Variants in ESR1 observed in about 807,000 individuals in gnomAD.
ESR1 encodes the protein estrogen receptor.
ESR1 carries 12 observed loss-of-function variants against 52.7 expected under a neutral mutation model. The observed-to-expected ratio is 0.23, with a 90% CI of 0.15 to 0.37. The LOEUF is 0.37. Ranked by LOEUF, ESR1 falls within the 10% of genes least tolerant of loss-of-function variation. ESR1 has a pLI of 1.00. For synonymous variants in ESR1, 305 were observed against 316.8 expected (o/e 0.96, Z 0.39); for missense variants, 584 against 779.7 (o/e 0.75, Z 2.99).
intron 2 of ESR1, among the ~76,000 whole-genome samples, chr6:151,789,759 T>C (rs547336231): frequency 1.3e-5 from 2 of 152,308 alleles, no homozygotes; most frequent in East Asian, 3.9e-4. Flanking sequence ...ATCTCACAAC[T>C]CCTCCCCTTT....
Position 152,113,817 on chromosome 6 carries a change from C to T in ESR1, c.851-11449C>T, listed in dbSNP as rs557513112. 4.6e-5 allele frequency among the ~76,000 whole-genome samples: 7 copies of T among 152,156 alleles called. No individual in the cohort carries two copies. In the East Asian group the frequency reaches 1.2e-3, roughly 25 times the overall value. ...AATGTATTAACGTCATAACAACCCA[C>T]GCAGGAGGCACCATTATTATCCCAT... On this transcript the variant is annotated intron_variant, in intron 6 of 6. Coordinates refer to the ESR1 transcript ENST00000427531.
At chr6:151,891,876 A>G (rs1159430468) in intron 3 of ESR1, among the ~76,000 whole-genome samples, 1 of 152,212 alleles carries the variant, frequency 6.6e-6, no homozygotes, top group Non-Finnish European at 1.5e-5. Context: ...AAATAAATTT[A>G]TATAGACGGT....
intron 2 of ESR1, among the ~76,000 whole-genome samples, chr6:151,787,191 C>T (rs894112593): frequency 3.3e-5 from 5 of 152,144 alleles, no homozygotes; most frequent in Admixed American, 6.5e-5. Context: ...TATTCTGTTC[C>T]ATCAGTCTAT....
chr6:151,709,992 A>AT (rs1279660470), intron 2 of ESR1, among the ~76,000 whole-genome samples: 2 of 151,508 alleles, frequency 1.3e-5, no homozygotes, highest in African/African-American at 2.4e-5. Context: ...TACATCTGGA[A>AT]TTTTTTTATA....
intron 6 of ESR1, among the ~76,000 whole-genome samples, chr6:152,084,592 G>C (rs978795288): frequency 7.9e-5 from 12 of 151,196 alleles, no homozygotes; most frequent in Non-Finnish European, 1.8e-4. Flanking sequence ...CACACACACA[G>C]AAGTATATCT....
chr6:151,928,949 T>G (rs2033184459), intron 3 of ESR1, among the ~76,000 whole-genome samples: 1 of 152,200 alleles, frequency 6.6e-6, no homozygotes, highest in African/African-American at 2.4e-5. Flanking sequence ...TCTTTTAAAT[T>G]TGTTAAGGGT....
intron 3 of ESR1, among the ~76,000 whole-genome samples, chr6:151,926,750 G>A (rs1229278597): frequency 6.6e-6 from 1 of 152,064 alleles, no homozygotes; most frequent in Non-Finnish European, 1.5e-5. Flanking sequence ...TGTTGTTGTT[G>A]TTGATTCATT....
chr6:151,684,849 A>G (rs1326092718), intron 1 of ESR1, among the ~76,000 whole-genome samples: 1 of 152,034 alleles, frequency 6.6e-6, no homozygotes, highest in East Asian at 1.9e-4. Flanking sequence ...AATCAAAGGC[A>G]CCCATAGGCA....
Position 151,750,035 on chromosome 6 carries a change from A to C in ESR1, c.-71+48030A>C, listed in dbSNP as rs528529613. Among the ~76,000 whole-genome samples, 3 of 152,346 alleles carry C rather than the reference A, an allele frequency of 2.0e-5. No homozygotes were observed. In the East Asian group the frequency reaches 5.8e-4, roughly 29 times the overall value. ...AAAGGAATGAGGGAGGGAGACATGA[A>C]TATAGATGGGTGTTATCAGAGAATG... On this transcript the variant is annotated intron_variant, in intron 2 of 2. Transcript: ENST00000404742.
intron 2 of ESR1, among the ~76,000 whole-genome samples, chr6:151,723,249 G>A (rs1781586906): frequency 6.6e-6 from 1 of 150,826 alleles, no homozygotes; most frequent in African/African-American, 2.4e-5. Context: ...AGGGAGGTGA[G>A]GGATGAGAAA....
At chr6:151,978,391 G>A (rs2039665679) in intron 4 of ESR1, among the ~76,000 whole-genome samples, 4 of 152,122 alleles carry the variant, frequency 2.6e-5, no homozygotes, top group Admixed American at 2.6e-4. Context: ...GTGTACGAAG[G>A]TGTAATAAAT....
chr6:151,719,311 C>T (rs138476409), intron 2 of ESR1, among the ~76,000 whole-genome samples: 4 of 152,066 alleles, frequency 2.6e-5, no homozygotes, highest in Non-Finnish European at 4.4e-5. Flanking sequence ...GAGCAAAGGT[C>T]GAGCCAGGTA....
intron 5 of ESR1, among the ~76,000 whole-genome samples, chr6:152,037,045 G>A (rs910301234): frequency 2.6e-5 from 4 of 152,188 alleles, no homozygotes; most frequent in African/African-American, 9.7e-5. Context: ...GTATTGCAGT[G>A]CCAATTGCTG....
chr6:151,695,197 G>C (rs1779247224), intron 1 of ESR1, among the ~76,000 whole-genome samples: 1 of 152,174 alleles, frequency 6.6e-6, no homozygotes, highest in Non-Finnish European at 1.5e-5. Context: ...CCTGGAGCTT[G>C]GTTTCCCTAA....
chr6:151,753,319 A>ATTTT (rs34402963), intron 2 of ESR1, among the ~76,000 whole-genome samples: 45 of 137,378 alleles, frequency 3.3e-4, no homozygotes, highest in African/African-American at 1.2e-3. Context: ...ATTTGATTGC[A>ATTTT]TTTTTTTTTT....
intron 5 of ESR1, among the ~76,000 whole-genome samples, chr6:152,019,715 A>G (rs2043465226): frequency 6.6e-6 from 1 of 152,232 alleles, no homozygotes; most frequent in South Asian, 2.1e-4. Context: ...TACATATACT[A>G]TGCAGGGACC....
At chr6:151,791,850 C>T (rs1028590232) in intron 2 of ESR1, among the ~76,000 whole-genome samples, 2 of 152,064 alleles carry the variant, frequency 1.3e-5, no homozygotes, top group Non-Finnish European at 1.5e-5. Flanking sequence ...CAAAAAAAAC[C>T]TTTTATCTAC....
At position 152,038,625 on chromosome 6, in the gene ESR1, G is replaced by A. The variant is rs551350002; in HGVS notation, c.1236-22366G>A. Among the ~76,000 whole-genome samples the A allele has an allele frequency of 2.6e-5, 4 of 151,994 alleles. No homozygotes were observed. The East Asian group carries it at 5.8e-4, about 22-fold the overall frequency. On this transcript the variant is annotated intron_variant, in intron 5 of 7. Coordinates refer to ENST00000206249, the MANE Select transcript of ESR1 (RefSeq NM_000125.4). ...AACAACACTTAAATGCTGATATGAA[G>A]TCAATAAATACTTTTTTTTTTTAAA...
Position 152,098,608 on chromosome 6 carries a change from C to CAGGA in ESR1, c.1554-121_1554-118dup. The CAGGA allele has an allele frequency of 1.2e-6, 1 of 835,750 alleles. No homozygotes were observed. 51.8% of individuals were successfully genotyped at this position (835,750 alleles called of 1,614,324 possible). On this transcript the variant is annotated intron_variant, in intron 7 of 7. Transcript: ENST00000206249. The surrounding 1 kb of genome is among the most constrained non-coding windows in gnomAD (Gnocchi z 5.1). The stretch of plus-strand genomic sequence containing the variant: ...TCCCATCCTAAAGTGGGTCTTTAAA[C>CAGGA]AGGAAGAAAGAAAGATTGCTAAGTG...
Sources: gnomAD v4.1 joint callset for allele counts (sites outside exome capture counted in the v4.1 genomes callset) on GRCh38, gnomAD v4.1.1 for gene constraint, Gnocchi (gnomAD v3.1) non-coding constraint, MANE v1.5 for transcripts, NCBI Gene and HGNC (gene_info 2026-07-23, HGNC 2026-07-21) for gene names.